Variants in SUV39H2 observed in about 807,000 individuals in gnomAD.
SUV39H2 encodes the protein SUV39H2 histone lysine methyltransferase.
In SUV39H2, 10 loss-of-function variants were observed where a neutral mutation model predicts 47.5. That is an observed-to-expected ratio of 0.21 (90% CI 0.13 to 0.36). SUV39H2 has a LOEUF of 0.36. SUV39H2 is among the 10% of genes least tolerant of loss of function. The pLI, the probability that SUV39H2 is intolerant of heterozygous loss-of-function variation, is 1.00. For missense variants in SUV39H2, 266 were observed against 487.4 expected (o/e 0.55, Z 4.28); for synonymous variants, 159 against 166.8 (o/e 0.95, Z 0.36).
At chr10:14,900,861 G>A (rs1389306128) in intron 4 of SUV39H2, among the ~76,000 whole-genome samples, 2 of 152,134 alleles carry the variant, frequency 1.3e-5, no homozygotes, top group African/African-American at 4.8e-5. Flanking sequence ...GGGACTAGAG[G>A]AATAAGATTG....
At chr10:14,888,808 T>TTA (rs1239464837) in intron 2 of SUV39H2, among the ~76,000 whole-genome samples, 9 of 150,490 alleles carry the variant, frequency 6.0e-5, no homozygotes, top group Non-Finnish European at 1.0e-4. Context: ...AAGGAATGAA[T>TTA]TAAAGAATGA....
intron 2 of SUV39H2, among the ~76,000 whole-genome samples, chr10:14,894,355 GTTTTTTTTT>G (rs35812740): frequency 5.2e-5 from 3 of 58,096 alleles, no homozygotes; most frequent in East Asian, 5.9e-4. Context: ...AGAAAGCAAA[GTTTTTTTTT>G]TTTTTTTTTT....
chr10:14,897,807 GT>G (rs1222554710), intron 3 of SUV39H2: 5 of 201,058 alleles, frequency 2.5e-5, no homozygotes, highest in Admixed American at 1.2e-4. Context: ...TATGACAACT[GT>G]TTTTACCCAA....
intron 2 of SUV39H2, among the ~76,000 whole-genome samples, chr10:14,882,587 T>C (rs1363163667): frequency 6.6e-6 from 1 of 152,220 alleles, no homozygotes; most frequent in African/African-American, 2.4e-5. Flanking sequence ...CATTATAACT[T>C]ATTTCTGTTC....
intron 3 of SUV39H2, chr10:14,897,890 T>A (rs1455536960): frequency 6.4e-6 from 1 of 155,636 alleles, no homozygotes; most frequent in Non-Finnish European, 1.4e-5. Context: ...ACTTCATCTA[T>A]TTGACCAAAT....
intron 5 of SUV39H2, among the ~76,000 whole-genome samples, 182 bp downstream of exon 5, chr10:14,901,444 C>G (rs985566614): frequency 6.6e-6 from 1 of 152,194 alleles, no homozygotes; most frequent in African/African-American, 2.4e-5. Context: ...CCAGGTCTGC[C>G]TGAGCTTCAG....
chr10:14,887,752 T>A (rs910088670), intron 2 of SUV39H2, among the ~76,000 whole-genome samples: 7 of 152,174 alleles, frequency 4.6e-5, no homozygotes, highest in Non-Finnish European at 1.0e-4. Flanking sequence ...TATCGTTCAG[T>A]GAGGGTAGAA....
At chr10:14,892,725 C>T (rs1042986150) in intron 2 of SUV39H2, among the ~76,000 whole-genome samples, 1 of 152,146 alleles carries the variant, frequency 6.6e-6, no homozygotes, top group Non-Finnish European at 1.5e-5. Context: ...TTTCCCTATA[C>T]CCCCTAGTGA....
chr10:14,899,536 T>C lies in SUV39H2; in HGVS notation c.850-3T>C, dbSNP rs1338758509. On this transcript the variant is annotated splice_region_variant and splice_polypyrimidine_tract_variant and intron_variant, in intron 3 of 5. Transcript: ENST00000354919. ...TAATATACTTACAGTTTTTTCTGTT[T>C]AGGTAATCACAAGTGAAGAAGCTGA... is the stretch of plus-strand genomic sequence containing the variant. The C allele has an allele frequency of 2.5e-6, 4 of 1,613,606 alleles. No individual in the cohort carries two copies. Among genetic ancestry groups the C allele is most frequent in the Admixed American group, 1.7e-5 (1 of 59,916 alleles).
chr10:14,879,001 C>T, intron 1 of SUV39H2, 82 bp downstream of exon 1: 1 of 1,330,928 alleles, frequency 7.5e-7, no homozygotes. Context: ...GTCCCGCGGG[C>T]CAGCCAGATG....
intron 2 of SUV39H2, among the ~76,000 whole-genome samples, chr10:14,890,343 A>G (rs1238086075): frequency 6.6e-6 from 1 of 152,194 alleles, no homozygotes. Flanking sequence ...ATTGACTATA[A>G]TAGTTCTCAG....
At chr10:14,894,399 G>C (rs1833497287) in intron 2 of SUV39H2, among the ~76,000 whole-genome samples, 1 of 88,442 alleles carries the variant, frequency 1.1e-5, no homozygotes, top group South Asian at 4.2e-4. Context: ...ACGGAGTCTC[G>C]CTCTGTCGCC....
intron 4 of SUV39H2, 148 bp from the exon 5 acceptor site, chr10:14,900,985 G>T (rs552874508): frequency 3.8e-5 from 36 of 949,064 alleles, no homozygotes; most frequent in Middle Eastern, 3.6e-4. Flanking sequence ...TTTTAAATGT[G>T]CATGCCTCAA....
chr10:14,883,274 C>A (rs1281185159), intron 2 of SUV39H2, among the ~76,000 whole-genome samples: 3 of 152,182 alleles, frequency 2.0e-5, no homozygotes, highest in Non-Finnish European at 2.9e-5. Context: ...CAGAGATTTT[C>A]TTTGGCCTTG....
At chr10:14,885,870 C>G (rs1171700498) in intron 2 of SUV39H2, among the ~76,000 whole-genome samples, 1 of 152,196 alleles carries the variant, frequency 6.6e-6, no homozygotes, top group Non-Finnish European at 1.5e-5. Context: ...ATACCATAGT[C>G]TACCGTGCCA....
chr10:14,887,277 G>A (rs904963713), intron 2 of SUV39H2, among the ~76,000 whole-genome samples: 1 of 152,152 alleles, frequency 6.6e-6, no homozygotes, highest in African/African-American at 2.4e-5. Flanking sequence ...ATGTATGTCT[G>A]TGGCTTGTGG....
At chr10:14,886,585 G>A (rs1385654965) in intron 2 of SUV39H2, among the ~76,000 whole-genome samples, 1 of 152,152 alleles carries the variant, frequency 6.6e-6, no homozygotes, top group African/African-American at 2.4e-5. Flanking sequence ...ATTAGACTAG[G>A]CCTTCCTGGC....
At chr10:14,881,040 AGT>A (rs1833026538) in intron 1 of SUV39H2, among the ~76,000 whole-genome samples, 1 of 152,242 alleles carries the variant, frequency 6.6e-6, no homozygotes, top group African/African-American at 2.4e-5. Context: ...AAAAAATGAA[AGT>A]TACGTGTTAA....
chr10:14,901,545 CTT>C (rs761960859), intron 5 of SUV39H2, among the ~76,000 whole-genome samples: 12 of 147,358 alleles, frequency 8.1e-5, no homozygotes, highest in Non-Finnish European at 6.1e-5. Context: ...TACTACTTGT[CTT>C]TTTTTTTTTT....
Sources: allele counts gnomAD v4.1 joint callset (sites outside exome capture counted in the v4.1 genomes callset), GRCh38; gene constraint gnomAD v4.1.1; transcripts MANE v1.5; gene names NCBI Gene and HGNC (gene_info 2026-07-23, HGNC 2026-07-21).